ELFN1: variants seen among roughly 807,000 people sequenced by gnomAD.
ELFN1 encodes extracellular leucine rich repeat and fibronectin type III domain containing 1.
Under a neutral mutation model 7.6 loss-of-function variants are expected in ELFN1, and 6 were observed. The observed-to-expected ratio is 0.79, with a 90% CI of 0.43 to 1.56. The LOEUF is 1.56. Ranked by LOEUF, ELFN1 falls within the 40% of genes most tolerant of loss-of-function variation. The pLI, the probability that ELFN1 is intolerant of heterozygous loss-of-function variation, is 0.01. For synonymous variants in ELFN1, 657 were observed against 588.1 expected (o/e 1.12, Z -1.70); for missense variants, 1,169 against 1,232.2 (o/e 0.95, Z 0.77).
At chr7:1,667,302 C>T (rs1184932047), upstream of ELFN1, among the ~76,000 whole-genome samples, 1 of 152,124 alleles carries the variant, frequency 6.6e-6, no homozygotes, top group African/African-American at 2.4e-5. The surrounding 1 kb of genome is among the most constrained non-coding windows in gnomAD (Gnocchi z 8.2). Context: ...ACAATCCGCG[C>T]CCTTCCTCCC....
At chr7:1,732,493 A>G (rs1469501375) in intron 3 of ELFN1, among the ~76,000 whole-genome samples, 2 of 152,162 alleles carry the variant, frequency 1.3e-5, no homozygotes. Flanking sequence ...AGCCCGAGGG[A>G]ATAGATTACT....
intron 2 of ELFN1, 133 bp downstream of exon 2, chr7:1,688,283 G>A (rs1356566050): frequency 6.6e-6 from 1 of 151,906 alleles, no homozygotes; most frequent in Non-Finnish European, 1.5e-5. Context: ...CTCATTCCAT[G>A]GCTTGCCATT....
chr7:1,734,317 G>A (rs1200178535), intron 3 of ELFN1, among the ~76,000 whole-genome samples: 6 of 152,182 alleles, frequency 3.9e-5, no homozygotes, highest in African/African-American at 9.7e-5. Flanking sequence ...CAGCGCCGGA[G>A]CAGGGAACCA....
chr7:1,676,039 T>G (rs1778863662), intron 1 of ELFN1, among the ~76,000 whole-genome samples: 1 of 152,184 alleles, frequency 6.6e-6, no homozygotes, highest in African/African-American at 2.4e-5. Context: ...CGAGGGAGGC[T>G]GCCTGGGAGG....
In ELFN1 at chr7:1,735,530, T is replaced by G. The variant is rs1780420845; in HGVS notation, c.-293-8774T>G. 6.6e-6 allele frequency among the ~76,000 whole-genome samples: 1 copy of G among 151,788 alleles called. No individual in the cohort carries two copies. The highest frequency in any genetic ancestry group is 2.1e-4 in the South Asian group (1 of 4,808). ...GGAGCCAGCCCCGCCGAGTCAGCCCTCCCAGCCCTGGCCTTGCCTGCAACC... is the reference window on the plus strand; with the variant it reads ...GGAGCCAGCCCCGCCGAGTCAGCCCGCCCAGCCCTGGCCTTGCCTGCAACC... On this transcript the variant is annotated intron_variant, in intron 3 of 3. Coordinates refer to ENST00000424383, the MANE Select transcript of ELFN1 (RefSeq NM_001128636.4). This position sits in a 1 kb window ranked among gnomAD's most constrained non-coding sequence, Gnocchi z 5.9.
chr7:1,700,418 C>T (rs920831574), intron 2 of ELFN1, among the ~76,000 whole-genome samples: 12 of 152,182 alleles, frequency 7.9e-5, no homozygotes, highest in South Asian at 2.1e-4. Flanking sequence ...ATTCTGGATT[C>T]GCCTGTTTCT....
chr7:1,672,915 G>A (rs991205181), intron 1 of ELFN1, among the ~76,000 whole-genome samples: 2 of 152,030 alleles, frequency 1.3e-5, no homozygotes, highest in African/African-American at 2.4e-5. Context: ...ATAAATACAC[G>A]AGGGGGCCGG....
At chr7:1,741,220 G>T (rs1169288220) in intron 3 of ELFN1, among the ~76,000 whole-genome samples, 2 of 152,194 alleles carry the variant, frequency 1.3e-5, no homozygotes, top group Admixed American at 6.5e-5. Flanking sequence ...CCTCCTAAGG[G>T]GCTGTGGGCC....
chr7:1,678,884 T>G (rs767456305), intron 1 of ELFN1, among the ~76,000 whole-genome samples: 1 of 152,192 alleles, frequency 6.6e-6, no homozygotes, highest in Non-Finnish European at 1.5e-5. Flanking sequence ...GTGGACACGC[T>G]GTGAACTGGG....
At position 1,745,870 on chromosome 7, in the gene ELFN1, G is replaced by A; in HGVS notation, c.1274G>A (p.Cys425Tyr). The change falls in exon 4 of 4, where the codon TGC becomes TAC. Residue 425 changes from cysteine to tyrosine, a missense_variant. Around this residue, in one of 2 missense-constraint regions of ELFN1, gnomAD observed 914 missense variants for 872.6 expected, o/e 1.05. Transcript: ENST00000424383. ...ATHYIMTILG[C>Y]LFGMVLVLGA... ...CACTACATCATGACCATCCTGGGCTGCCTCTTCGGCATGGTGCTGGTGCTG... is the reference window on the plus strand; with the variant it reads ...CACTACATCATGACCATCCTGGGCTACCTCTTCGGCATGGTGCTGGTGCTG... 6.3e-7 allele frequency: 1 copy of A among 1,592,358 alleles called. No individual in the cohort carries two copies.
chr7:1,710,918 G>A lies in ELFN1; in HGVS notation c.-294+1666G>A, dbSNP rs116321765. On this transcript the variant is annotated intron_variant, in intron 3 of 3. Transcript: ENST00000424383. ...GAACTTGAAGCCCAGAGAAGGGAAG[G>A]GACTCACTCCTGAGACCACCCAGCA... 7.6e-3 allele frequency among the ~76,000 whole-genome samples: 1,155 copies of A among 152,310 alleles called. 20 individuals carry two copies. The highest frequency in any genetic ancestry group is 0.026 in the African/African-American group (1,097 of 41,562).
chr7:1,686,347 C>T (rs1030449609), intron 1 of ELFN1, among the ~76,000 whole-genome samples: 11 of 137,074 alleles, frequency 8.0e-5, no homozygotes, highest in African/African-American at 2.7e-4. Context: ...GGATCTCACT[C>T]TGTTGCCCAG....
chr7:1,717,916 T>C (rs1314125745), intron 3 of ELFN1, among the ~76,000 whole-genome samples: 1 of 152,184 alleles, frequency 6.6e-6, no homozygotes, highest in Non-Finnish European at 1.5e-5. Context: ...CCTTGTAATC[T>C]GCTCCTCTGA....
intron 2 of ELFN1, among the ~76,000 whole-genome samples, chr7:1,689,808 C>T (rs1383911093): frequency 1.3e-5 from 2 of 152,144 alleles, no homozygotes; most frequent in African/African-American, 4.8e-5. Flanking sequence ...TGAAGCAGAG[C>T]CAATGGGGAG....
At chr7:1,706,889 T>G (rs909824691) in intron 2 of ELFN1, among the ~76,000 whole-genome samples, 1 of 152,236 alleles carries the variant, frequency 6.6e-6, no homozygotes, top group Non-Finnish European at 1.5e-5. Context: ...ATTGGATGCC[T>G]GGGCCTGGAT....
chr7:1,679,061 C>T (rs920887991), intron 1 of ELFN1, among the ~76,000 whole-genome samples: 4 of 152,262 alleles, frequency 2.6e-5, no homozygotes, highest in African/African-American at 9.6e-5. Flanking sequence ...CCCTGAGTTA[C>T]ACACTAATGA....
intron 2 of ELFN1, among the ~76,000 whole-genome samples, chr7:1,706,421 CAAAAAAACAA>C (rs1779531387): frequency 7.0e-6 from 1 of 143,418 alleles, no homozygotes; most frequent in Non-Finnish European, 1.5e-5. Context: ...GACTCTGTCT[CAAAAAAACAA>C]AACAAAACAA....
chr7:1,671,924 T>G (rs1008334016), intron 1 of ELFN1, among the ~76,000 whole-genome samples: 1 of 152,148 alleles, frequency 6.6e-6, no homozygotes, highest in Non-Finnish European at 1.5e-5. Flanking sequence ...GGGTCCCTCA[T>G]TTTCCTGGGC....
Position 1,746,503 on chromosome 7 carries a change from CT to C in ELFN1, c.1908del (p.Arg637ValfsTer47). ...CACAGCGTGGAGGCCGCCGGGCCCC[CT>C]CGTGCCAGCACCTCGTCCAGCGGCT... is the stretch of plus-strand genomic sequence containing the variant. ...RHHSVEAAGPPRASTSSSGSV... is the reference protein window; with the variant it reads ...RHHSVEAAGPXRASTSSSGSV... On this transcript the variant is annotated frameshift_variant, in exon 4 of 4. Transcript: ENST00000424383. LOFTEE classifies it low-confidence loss of function (END_TRUNC). The C allele has an allele frequency of 6.7e-7, 1 of 1,489,660 alleles. No individual in the cohort carries two copies. The highest frequency in any genetic ancestry group is 8.9e-7 in the Non-Finnish European group (1 of 1,128,456). 92.3% of individuals were successfully genotyped at this position (1,489,660 alleles called of 1,614,324 possible).
Sources: gnomAD v4.1 joint callset for allele counts (sites outside exome capture counted in the v4.1 genomes callset) on GRCh38, gnomAD v4.1.1 for gene constraint, gnomAD v4.1.1 regional missense constraint, Gnocchi (gnomAD v3.1) non-coding constraint, MANE v1.5 for transcripts, NCBI Gene and HGNC (gene_info 2026-07-23, HGNC 2026-07-21) for gene names.